Variants in OXR1 observed in about 807,000 individuals in gnomAD.
OXR1 encodes oxidation resistance 1, also known as oxidation resistance protein 1.
A neutral mutation model predicts 104.6 loss-of-function variants in OXR1; 41 were observed. The ratio of observed to expected loss-of-function variants is 0.39; its 90% CI spans 0.31 to 0.51. The LOEUF (loss-of-function observed/expected upper bound fraction) is 0.51, where lower values mean the gene tolerates loss of function less well. Among genes scored for constraint, OXR1 ranks in the 20% least tolerant of loss-of-function variants. The probability of loss-of-function intolerance (pLI) is 0.77; values close to 1 mark genes in which losing one functional copy is unlikely to be tolerated. For missense variants in OXR1, 955 were observed against 1,031.9 expected, an observed-to-expected ratio of 0.93 and a Z score of 1.02; for synonymous variants, 348 against 348.4, an observed-to-expected ratio of 1.00 and a Z score of 0.01.
chr8:106,582,240 A>ATCAAAAT (rs1818300793), intron 3 of OXR1, among the ~76,000 whole-genome samples: 1 of 147,932 alleles, frequency 6.8e-6, no homozygotes, highest in African/African-American at 2.5e-5. Flanking sequence ...GTAAATACTG[A>ATCAAAAT]TCAAAATTCA....
At chr8:106,712,119 A>G (rs1831754623) in intron 10 of OXR1, among the ~76,000 whole-genome samples, 1 of 152,126 alleles carries the variant, frequency 6.6e-6, no homozygotes, top group African/African-American at 2.4e-5. Context: ...TTGTTCATAG[A>G]AAAGTCAGTG....
At chr8:106,696,753 AT>A (rs1271689043) in intron 7 of OXR1, among the ~76,000 whole-genome samples, 1 of 152,130 alleles carries the variant, frequency 6.6e-6, no homozygotes, top group Non-Finnish European at 1.5e-5. Context: ...GAAATGACAA[AT>A]TCTTTAAATC....
intron 8 of OXR1, among the ~76,000 whole-genome samples, chr8:106,705,617 C>T (rs989768335): frequency 5.3e-5 from 8 of 152,138 alleles, no homozygotes; most frequent in Admixed American, 2.0e-4. Context: ...TTGTAACCAT[C>T]ATTTTAAATT....
chr8:106,710,713 T>G lies in OXR1; in HGVS notation c.1716T>G (p.Ser572=). Residue 572 remains serine, a synonymous_variant, in exon 10 of 17, where the codon TCT becomes TCG. Coordinates refer to ENST00000517566, the MANE Select transcript of OXR1 (RefSeq NM_001198533.2). ...VGKPMRKTFV[S]QASATMQQYA... is the part of the protein sequence containing the mutation. ...AACCAATGAGGAAAACGTTTGTATCTCAAGCAAGTGCTACAATGCAACAGT... is the reference window on the plus strand; with the variant it reads ...AACCAATGAGGAAAACGTTTGTATCGCAAGCAAGTGCTACAATGCAACAGT... 2 of 1,603,982 alleles carry G rather than the reference T, an allele frequency of 1.2e-6. No individual in the cohort carries two copies. Among genetic ancestry groups the G allele is most frequent in the Non-Finnish European group, 8.5e-7 (1 of 1,174,342 alleles).
At chr8:106,460,178 A>G (rs1221041393) in intron 2 of OXR1, among the ~76,000 whole-genome samples, 1 of 152,198 alleles carries the variant, frequency 6.6e-6, no homozygotes, top group Non-Finnish European at 1.5e-5. Flanking sequence ...CATTGCTCTC[A>G]ATCACTGACT....
At chr8:106,598,229 T>C (rs1359977389) in intron 3 of OXR1, among the ~76,000 whole-genome samples, 5 of 152,224 alleles carry the variant, frequency 3.3e-5, no homozygotes, top group African/African-American at 1.2e-4. Flanking sequence ...TCTCCCCTTT[T>C]TGAATTTTTT....
intron 11 of OXR1, among the ~76,000 whole-genome samples, chr8:106,726,968 G>T (rs1833405131): frequency 6.6e-6 from 1 of 152,086 alleles, no homozygotes; most frequent in African/African-American, 2.4e-5. Flanking sequence ...TCACTTAATT[G>T]TAGATGATTT....
At chr8:106,276,697 A>G (rs549315859) in intron 1 of OXR1, among the ~76,000 whole-genome samples, 2 of 151,548 alleles carry the variant, frequency 1.3e-5, no homozygotes, top group African/African-American at 4.8e-5. Context: ...AAAATGCTCA[A>G]GAACCGATAT....
chr8:106,553,822 A>G (rs1002698300), intron 3 of OXR1, among the ~76,000 whole-genome samples: 1 of 152,148 alleles, frequency 6.6e-6, no homozygotes, highest in Non-Finnish European at 1.5e-5. Flanking sequence ...GTGCCTCCGC[A>G]TTGGATATCT....
intron 2 of OXR1, among the ~76,000 whole-genome samples, chr8:106,491,333 T>A (rs1811069429): frequency 6.6e-6 from 1 of 152,254 alleles, no homozygotes; most frequent in South Asian, 2.1e-4. Flanking sequence ...CTGTAATTAA[T>A]ATGTATGTGC....
intron 3 of OXR1, among the ~76,000 whole-genome samples, chr8:106,576,191 A>T (rs1003630890): frequency 6.6e-6 from 1 of 152,058 alleles, no homozygotes; most frequent in Non-Finnish European, 1.5e-5. Context: ...GGAAAGCTGG[A>T]TATAACTTTG....
chr8:106,474,575 T>G (rs1370902632), intron 2 of OXR1, among the ~76,000 whole-genome samples: 2 of 151,908 alleles, frequency 1.3e-5, no homozygotes, highest in African/African-American at 2.4e-5. Context: ...ACATGAAAAC[T>G]ACATAAAATT....
At position 106,742,203 on chromosome 8, in the gene OXR1, A is replaced by ATGCCTTTTT. The variant is rs1204139758; in HGVS notation, c.2317-17_2317-9dup. The stretch of plus-strand genomic sequence containing the variant: ...AAATTTGTTAGTCGTGTCATTGAAT[A>ATGCCTTTTT]TGCCTTTTTTATCCTTAGGTTTTTG... On this transcript the variant is annotated intron_variant, in intron 14 of 16. Coordinates refer to ENST00000517566, the MANE Select transcript of OXR1 (RefSeq NM_001198533.2). 34 of 1,363,920 alleles carry ATGCCTTTTT rather than the reference A, an allele frequency of 2.5e-5. No individual in the cohort carries two copies. The highest frequency in any genetic ancestry group is 3.5e-5 in the Non-Finnish European group (33 of 953,134). 84.5% of individuals were successfully genotyped at this position (1,363,920 alleles called of 1,614,324 possible).
At position 106,493,812 on chromosome 8, in the gene OXR1, G is replaced by T. The variant is rs531925979; in HGVS notation, c.24-25131G>T. Reference sequence around the variant, plus strand: ...AAGAAAAATGGAGCTGGGAATGAAGGCTAATTTAGTATTACATTACCAAAA... The same window carrying T: ...AAGAAAAATGGAGCTGGGAATGAAGTCTAATTTAGTATTACATTACCAAAA... On this transcript the variant is annotated intron_variant, in intron 2 of 16. Transcript: ENST00000517566. Among the ~76,000 whole-genome samples, 10 of 152,266 alleles carry T rather than the reference G, an allele frequency of 6.6e-5. No homozygotes were observed. In the South Asian group the frequency reaches 2.1e-3, roughly 32 times the overall value.
intron 2 of OXR1, among the ~76,000 whole-genome samples, chr8:106,426,736 C>T (rs1306557124): frequency 6.6e-6 from 1 of 152,144 alleles, no homozygotes; most frequent in Non-Finnish European, 1.5e-5. Context: ...ACCTATCTCA[C>T]AGTACAATTT....
chr8:106,480,006 G>C (rs1822018978), intron 2 of OXR1, among the ~76,000 whole-genome samples: 1 of 151,968 alleles, frequency 6.6e-6, no homozygotes, highest in African/African-American at 2.4e-5. Flanking sequence ...GTGATAGTCA[G>C]TATATTACAA....
At chr8:106,648,002 G>T (rs967959453) in intron 3 of OXR1, among the ~76,000 whole-genome samples, 2 of 152,132 alleles carry the variant, frequency 1.3e-5, no homozygotes, top group African/African-American at 4.8e-5. Flanking sequence ...CAATGTCTCT[G>T]TGTTTTCTCA....
At chr8:106,519,573 C>G (rs1214066314) in intron 3 of OXR1, among the ~76,000 whole-genome samples, 1 of 152,156 alleles carries the variant, frequency 6.6e-6, no homozygotes, top group South Asian at 2.1e-4. Context: ...GTTGTTAAGA[C>G]TGTGGTTGAC....
At chr8:106,372,371 C>G (rs1254066280) in intron 2 of OXR1, among the ~76,000 whole-genome samples, 1 of 152,018 alleles carries the variant, frequency 6.6e-6, no homozygotes, top group African/African-American at 2.4e-5. Context: ...AACCTGGATA[C>G]CTTGGTTGCT....
Sources: gnomAD v4.1 joint callset for allele counts (sites outside exome capture counted in the v4.1 genomes callset) on GRCh38, gnomAD v4.1.1 for gene constraint, MANE v1.5 for transcripts, NCBI Gene and HGNC (gene_info 2026-07-23, HGNC 2026-07-21) for gene names.